The following MAML2 variants were observed in gnomAD, a reference collection of about 807,000 sequenced individuals.
The protein encoded by MAML2 is mastermind-like protein 2.
A neutral mutation model predicts 96.1 loss-of-function variants in MAML2; 22 were observed. The ratio of observed to expected loss-of-function variants is 0.23; its 90% CI spans 0.16 to 0.33. The LOEUF is 0.33. MAML2 is among the 10% of genes least tolerant of loss of function. The probability of loss-of-function intolerance (pLI) is 1.00; values close to 1 mark genes in which losing one functional copy is unlikely to be tolerated. For missense variants in MAML2, 1,367 were observed against 1,392.4 expected (o/e 0.98, Z 0.29); for synonymous variants, 561 against 521.3 (o/e 1.08, Z -1.04).
intron 1 of MAML2, among the ~76,000 whole-genome samples, chr11:96,121,821 C>G: frequency 3.0e-5 from 1 of 33,150 alleles, no homozygotes; most frequent in Admixed American, 4.6e-4. Flanking sequence ...GAGTCTTGCT[C>G]TGTCACCCAG....
chr11:96,003,165 GGAT>G (rs1368906973), intron 2 of MAML2, among the ~76,000 whole-genome samples: 2 of 150,922 alleles, frequency 1.3e-5, no homozygotes, highest in Non-Finnish European at 3.0e-5. Flanking sequence ...AGGATGATGG[GGAT>G]GATGATAAGG....
At chr11:96,047,681 C>A (rs1473341238) in intron 2 of MAML2, among the ~76,000 whole-genome samples, 1 of 151,926 alleles carries the variant, frequency 6.6e-6, no homozygotes, top group Non-Finnish European at 1.5e-5. Context: ...AAGGCCGAGG[C>A]AGGTAGATCA....
At chr11:96,214,320 A>G (rs1205021727) in intron 1 of MAML2, among the ~76,000 whole-genome samples, 4 of 152,230 alleles carry the variant, frequency 2.6e-5, no homozygotes, top group African/African-American at 9.6e-5. Context: ...CTGGATTCAA[A>G]TCTTAGCACG....
intron 3 of MAML2, among the ~76,000 whole-genome samples, chr11:95,989,993 C>T (rs1857885468): frequency 6.6e-6 from 1 of 152,146 alleles, no homozygotes; most frequent in South Asian, 2.1e-4. Context: ...CCTTTTGGTG[C>T]TCCACCCTCC....
chr11:96,134,178 C>A (rs1253522384), intron 1 of MAML2, among the ~76,000 whole-genome samples: 1 of 152,172 alleles, frequency 6.6e-6, no homozygotes, highest in Non-Finnish European at 1.5e-5. Flanking sequence ...GATTATACAG[C>A]TAAGTGGCAG....
chr11:96,231,734 C>T (rs921064697), intron 1 of MAML2, among the ~76,000 whole-genome samples: 6 of 152,186 alleles, frequency 3.9e-5, no homozygotes, highest in Non-Finnish European at 7.3e-5. Context: ...TTTGCCAGGA[C>T]AGTAAGCAGT....
chr11:96,316,991 A>G (rs985063817), intron 1 of MAML2, among the ~76,000 whole-genome samples: 5 of 152,262 alleles, frequency 3.3e-5, no homozygotes, highest in Non-Finnish European at 2.9e-5. Context: ...TGGACACTTT[A>G]TTTAAGAGTT....
chr11:96,161,987 A>G (rs1315095886), intron 1 of MAML2, among the ~76,000 whole-genome samples: 1 of 152,104 alleles, frequency 6.6e-6, no homozygotes, highest in Non-Finnish European at 1.5e-5. Context: ...CTTCTACTAT[A>G]CCATGCAGCC....
chr11:96,144,893 G>A (rs1274920884), intron 1 of MAML2, among the ~76,000 whole-genome samples: 1 of 152,070 alleles, frequency 6.6e-6, no homozygotes, highest in Non-Finnish European at 1.5e-5. Flanking sequence ...GAGTGACAGG[G>A]GACAAGTCAA....
intron 1 of MAML2, among the ~76,000 whole-genome samples, chr11:96,298,125 T>C (rs1863328191): frequency 6.6e-6 from 1 of 152,232 alleles, no homozygotes; most frequent in Non-Finnish European, 1.5e-5. Flanking sequence ...TTTTAGTTTT[T>C]TCTTCCCAAG....
intron 1 of MAML2, among the ~76,000 whole-genome samples, chr11:96,317,109 C>A (rs1385189077): frequency 6.6e-6 from 1 of 152,112 alleles, no homozygotes; most frequent in Non-Finnish European, 1.5e-5. Context: ...CCTGTTCCTG[C>A]TTGCATTCAC....
intron 2 of MAML2, among the ~76,000 whole-genome samples, chr11:96,043,509 C>T (rs964071649): frequency 7.9e-5 from 12 of 152,190 alleles, no homozygotes; most frequent in Non-Finnish European, 7.3e-5. Flanking sequence ...CTGGTCTCCC[C>T]ATATAAAGGG....
At chr11:96,290,378 A>C (rs1169760684) in intron 1 of MAML2, among the ~76,000 whole-genome samples, 1 of 152,194 alleles carries the variant, frequency 6.6e-6, no homozygotes, top group Non-Finnish European at 1.5e-5. Context: ...GCTACTACTA[A>C]TGTTAGTATT....
chr11:96,042,271 C>T (rs988577864), intron 2 of MAML2, among the ~76,000 whole-genome samples: 1 of 152,160 alleles, frequency 6.6e-6, no homozygotes, highest in Non-Finnish European at 1.5e-5. Flanking sequence ...AGCCACCATG[C>T]CCATCCATAC....
chr11:96,073,322 T>A (rs1352623799), intron 2 of MAML2, among the ~76,000 whole-genome samples: 1 of 1,128 alleles, frequency 8.9e-4, no homozygotes, highest in Non-Finnish European at 2.5e-3. Flanking sequence ...TTTTCTTTTC[T>A]TTTTTTTTTT....
At chr11:96,021,339 A>G (rs1310027989) in intron 2 of MAML2, among the ~76,000 whole-genome samples, 1 of 152,196 alleles carries the variant, frequency 6.6e-6, no homozygotes, top group African/African-American at 2.4e-5. Context: ...GAAAATCGAT[A>G]TATTTCAGGT....
chr11:96,144,434 G>C (rs1591037747), intron 1 of MAML2, among the ~76,000 whole-genome samples: 1 of 152,186 alleles, frequency 6.6e-6, no homozygotes, highest in East Asian at 1.9e-4. Flanking sequence ...GACGAATAGA[G>C]TAAGTGGTAG....
chr11:96,120,848 A>T (rs1390807040), intron 1 of MAML2, among the ~76,000 whole-genome samples: 1 of 152,206 alleles, frequency 6.6e-6, no homozygotes, highest in Admixed American at 6.5e-5. Context: ...GAGGATGAGG[A>T]TTCTCAGAGT....
chr11:96,137,295 GC>G (rs1377948723), intron 1 of MAML2, among the ~76,000 whole-genome samples: 1 of 152,112 alleles, frequency 6.6e-6, no homozygotes, highest in Non-Finnish European at 1.5e-5. Context: ...AAATGAGGAG[GC>G]TTTAAAAATA....
Sources: allele counts gnomAD v4.1 joint callset (sites outside exome capture counted in the v4.1 genomes callset), GRCh38; gene constraint gnomAD v4.1.1; transcripts MANE v1.5; gene names NCBI Gene and HGNC (gene_info 2026-07-23, HGNC 2026-07-21).